The following ANK3 variants were observed in gnomAD, a reference collection of about 807,000 sequenced individuals.
ANK3 encodes the protein ankyrin-3.
In ANK3, 57 loss-of-function variants were observed where a neutral mutation model predicts 370.9. The ratio of observed to expected loss-of-function variants is 0.15; its 90% CI spans 0.12 to 0.19. The LOEUF (loss-of-function observed/expected upper bound fraction) is 0.19. ANK3 is among the 10% of genes least tolerant of loss of function. The pLI, the probability that ANK3 is intolerant of heterozygous loss-of-function variation, is 1.00. For synonymous variants in ANK3, 1,929 were observed against 1,946.3 expected, an observed-to-expected ratio of 0.99 and a Z score of 0.23; for missense variants, 4,439 against 5,302.1, an observed-to-expected ratio of 0.84 and a Z score of 5.06.
intron 2 of ANK3, among the ~76,000 whole-genome samples, chr10:60,495,944 T>A (rs1166497767): frequency 1.3e-5 from 2 of 152,036 alleles, no homozygotes; most frequent in African/African-American, 2.4e-5. Context: ...TAGTCTAAAT[T>A]AAGGACAGAT....
chr10:60,030,711 GGA>G (rs2073281336), intron 43 of ANK3, among the ~76,000 whole-genome samples: 1 of 152,134 alleles, frequency 6.6e-6, no homozygotes, highest in Non-Finnish European at 1.5e-5. Flanking sequence ...CCCCCAGCTT[GGA>G]GAGACAGATT....
intron 2 of ANK3, chr10:60,615,070 G>A (rs1345636150): frequency 3.1e-6 from 2 of 645,774 alleles, no homozygotes; most frequent in Admixed American, 7.9e-5. Flanking sequence ...CAATAAACTG[G>A]TTTAAAAGGA....
At chr10:60,452,003 G>T (rs1371804110) in intron 2 of ANK3, among the ~76,000 whole-genome samples, 1 of 152,230 alleles carries the variant, frequency 6.6e-6, no homozygotes, top group East Asian at 1.9e-4. Context: ...CATTCGCTCT[G>T]TCTCGCTCTA....
chr10:60,160,605 G>T (rs1207875452), intron 23 of ANK3, among the ~76,000 whole-genome samples: 1 of 151,854 alleles, frequency 6.6e-6, no homozygotes. Flanking sequence ...CACACAAAAG[G>T]AAACTAGAGG....
Position 60,599,104 on chromosome 10 carries a change from T to A in ANK3, c.96+16082A>T, listed in dbSNP as rs539087503. Among the ~76,000 whole-genome samples the A allele has an allele frequency of 1.1e-4, 17 of 152,218 alleles. No individual in the cohort carries two copies. In the East Asian group the frequency reaches 2.5e-3, roughly 22 times the overall value. On this transcript the variant is annotated intron_variant, in intron 2 of 43. Transcript: ENST00000373827. ...CCACTGTGACTGGCTAATTTTTTTT[T>A]ATTTTCCATAGAAACAAGGTCTCAC...
intron 17 of ANK3, among the ~76,000 whole-genome samples, chr10:60,184,278 G>A (rs2096271792): frequency 6.6e-6 from 1 of 152,104 alleles, no homozygotes; most frequent in Admixed American, 6.5e-5. Context: ...TAAAACACTG[G>A]CAGCTCAGGA....
intron 2 of ANK3, among the ~76,000 whole-genome samples, chr10:60,484,982 G>A (rs149663664): frequency 3.9e-5 from 6 of 152,036 alleles, no homozygotes; most frequent in Non-Finnish European, 7.4e-5. Context: ...AATTAAATCC[G>A]ATATTTCCTT....
At chr10:60,732,586 C>T (rs1429301903) in intron 1 of ANK3, among the ~76,000 whole-genome samples, 1 of 152,134 alleles carries the variant, frequency 6.6e-6, no homozygotes, top group Non-Finnish European at 1.5e-5. Context: ...CACCCCCTGG[C>T]ACTGCCACGA....
intron 41 of ANK3, among the ~76,000 whole-genome samples, chr10:60,059,116 G>T (rs191838817): frequency 3.9e-5 from 6 of 152,286 alleles, no homozygotes; most frequent in Non-Finnish European, 7.4e-5. Flanking sequence ...TCTTGGGCAT[G>T]TATGTAAATT....
At chr10:60,150,508 G>C (rs1055048815) in intron 23 of ANK3, among the ~76,000 whole-genome samples, 2 of 152,124 alleles carry the variant, frequency 1.3e-5, no homozygotes, top group Non-Finnish European at 2.9e-5. Flanking sequence ...TTGGATGTCT[G>C]TGCCCTCCAA....
At chr10:60,654,763 C>T (rs1191113242) in intron 1 of ANK3, among the ~76,000 whole-genome samples, 2 of 151,930 alleles carry the variant, frequency 1.3e-5, no homozygotes, top group Non-Finnish European at 2.9e-5. Context: ...CTTATAATGT[C>T]TTTAAGTATC....
chr10:60,230,350 T>C lies in ANK3; in HGVS notation c.897+4338A>G, dbSNP rs537010922. Among the ~76,000 whole-genome samples, 152 of 152,320 alleles carry C rather than the reference T, an allele frequency of 1.0e-3. 1 individual carries two copies. The highest frequency in any genetic ancestry group is 3.4e-3 in the African/African-American group (143 of 41,578). On this transcript the variant is annotated intron_variant, in intron 8 of 43. Transcript: ENST00000280772. ...TTTAGTCTATAAAGAAACGAAGCCA[T>C]TGTGATCTTGTTGAAAAAATGAACT... is the stretch of plus-strand genomic sequence containing the variant.
intron 2 of ANK3, among the ~76,000 whole-genome samples, chr10:60,404,817 C>T (rs932544262): frequency 5.3e-5 from 8 of 152,114 alleles, no homozygotes; most frequent in African/African-American, 1.2e-4. Flanking sequence ...AGAATATATC[C>T]GTCCAAGGAT....
rs529548084 is a variant in ANK3 at position 60,514,766 on chromosome 10, C to G, written c.96+100420G>C. Among the ~76,000 whole-genome samples, 4 of 152,002 alleles carry G rather than the reference C, an allele frequency of 2.6e-5. 1 individual carries two copies. The highest frequency in any genetic ancestry group is 5.9e-5 in the Non-Finnish European group (4 of 68,012). On this transcript the variant is annotated intron_variant, in intron 2 of 43. Coordinates refer to the ANK3 transcript ENST00000373827. ...GTTCTCCTAATGAAGAAAATAGAAC[C>G]ACTAAAGGATAAAAAACTAGTGAAT...
At chr10:60,089,903 G>C (rs889865569) in intron 28 of ANK3, among the ~76,000 whole-genome samples, 2 of 151,874 alleles carry the variant, frequency 1.3e-5, no homozygotes, top group Admixed American at 6.5e-5. Context: ...ATAAGTGAGA[G>C]AAAGATGATT....
At chr10:60,408,145 T>A (rs893770508) in intron 2 of ANK3, among the ~76,000 whole-genome samples, 25 of 152,238 alleles carry the variant, frequency 1.6e-4, no homozygotes, top group Admixed American at 1.0e-3. Flanking sequence ...TAAGAAACAC[T>A]CTTACCATTT....
rs148251224 is a variant in ANK3 at position 60,429,821 on chromosome 10, C to T, written c.97-150182G>A. 6.1e-4 allele frequency among the ~76,000 whole-genome samples: 93 copies of T among 152,316 alleles called. 1 individual carries two copies. The East Asian group carries it at 0.018, about 29-fold the overall frequency. ...AAAACACTAGAGCTCTATATACAAA[C>T]ATATTATTAACAGTATATATTATTC... On this transcript the variant is annotated intron_variant, in intron 2 of 43. Transcript: ENST00000373827.
At chr10:60,501,167 T>G (rs971596393) in intron 2 of ANK3, among the ~76,000 whole-genome samples, 1 of 152,074 alleles carries the variant, frequency 6.6e-6, no homozygotes, top group African/African-American at 2.4e-5. Flanking sequence ...CTTTTGACTT[T>G]AAGACAACCC....
intron 2 of ANK3, among the ~76,000 whole-genome samples, chr10:60,395,625 T>TTTTG (rs1555367261): frequency 2.9e-5 from 1 of 34,034 alleles, no homozygotes; most frequent in Non-Finnish European, 6.0e-5. Context: ...TCGTTCTCTC[T>TTTTG]CTCTCTCTCT....
Sources: gnomAD v4.1 joint callset for allele counts (sites outside exome capture counted in the v4.1 genomes callset) on GRCh38, gnomAD v4.1.1 for gene constraint, MANE v1.5 for transcripts, NCBI Gene and HGNC (gene_info 2026-07-23, HGNC 2026-07-21) for gene names.